The following RTTN variants were observed in gnomAD, a reference collection of about 807,000 sequenced individuals.
RTTN encodes the protein rotatin.
RTTN carries 182 observed loss-of-function variants against 269.2 expected under a neutral mutation model. The observed-to-expected ratio is 0.68, with a 90% CI of 0.60 to 0.76. The LOEUF (loss-of-function observed/expected upper bound fraction) is 0.76, where lower values mean the gene tolerates loss of function less well. Among genes scored for constraint, RTTN ranks in the 30% least tolerant of loss-of-function variants. The pLI, the probability that RTTN is intolerant of heterozygous loss-of-function variation, is 0.00. For synonymous variants in RTTN, 1,006 were observed against 963.5 expected, an observed-to-expected ratio of 1.04 and a Z score of -0.82; for missense variants, 2,545 against 2,608.6, an observed-to-expected ratio of 0.98 and a Z score of 0.53.
At chr18:70,127,830 C>A (rs189967969) in intron 24 of RTTN, 89 bp from the exon 25 acceptor site, 26 of 1,185,496 alleles carry the variant, frequency 2.2e-5, no homozygotes, top group Non-Finnish European at 3.0e-5. Context: ...CTCCCAAAAG[C>A]TGTTTTATCT....
chr18:70,106,255 A>C (rs527714863), intron 28 of RTTN, among the ~76,000 whole-genome samples: 1 of 152,296 alleles, frequency 6.6e-6, no homozygotes, highest in African/African-American at 2.4e-5. Flanking sequence ...TGAGGTGGGA[A>C]GATCACTTGG....
intron 10 of RTTN, 35 bp from the exon 11 acceptor site, chr18:70,176,880 A>G (rs761519625): frequency 2.5e-5 from 39 of 1,575,272 alleles, no homozygotes; most frequent in Non-Finnish European, 3.3e-5. Flanking sequence ...ACAGAAGAAA[A>G]CAACCAATTT....
rs1568428814 is a variant in RTTN at position 70,128,514 on chromosome 18, T to C, written c.2987A>G (p.His996Arg). 6.2e-7 allele frequency: 1 copy of C among 1,612,916 alleles called. No homozygotes were observed. Among genetic ancestry groups the C allele is most frequent in the Non-Finnish European group, 8.5e-7 (1 of 1,179,302 alleles). The change falls in exon 24 of 49, where the codon CAT becomes CGT. Residue 996 changes from histidine (H) to arginine (R), a missense_variant. By Grantham distance (29) the His-to-Arg change is conservative. Transcript: ENST00000640769. ...AACTATGGAGTAAGGACTCACAGCA[T>C]GGTGTCCAATTACATGAACAGGTAG... ...YHLPVHVIGH[H>R]AVSPYSIVLP...
At chr18:70,140,738 C>T (rs1253153759) in intron 19 of RTTN, among the ~76,000 whole-genome samples, 1 of 152,010 alleles carries the variant, frequency 6.6e-6, no homozygotes, top group African/African-American at 2.4e-5. Context: ...CATATATTCA[C>T]ATATTATGTT....
At chr18:70,140,711 A>C (rs2060234589) in intron 19 of RTTN, among the ~76,000 whole-genome samples, 1 of 152,154 alleles carries the variant, frequency 6.6e-6, no homozygotes. Flanking sequence ...GGAGAACTTG[A>C]GCTTCTTTTT....
chr18:70,068,639 C>T (rs1037407429), intron 34 of RTTN, among the ~76,000 whole-genome samples: 7 of 152,154 alleles, frequency 4.6e-5, no homozygotes, highest in African/African-American at 1.2e-4. Flanking sequence ...TGAAGTCATC[C>T]GTTCCTGTCA....
Position 70,150,600 on chromosome 18 carries a change from T to C in RTTN, c.2055+8A>G, listed in dbSNP as rs369247502. 1.7e-5 allele frequency: 27 copies of C among 1,611,326 alleles called. No homozygotes were observed. The highest frequency in any genetic ancestry group is 1.7e-4 in the Admixed American group (10 of 59,900). On this transcript the variant is annotated splice_region_variant and intron_variant, in intron 15 of 48. Coordinates refer to ENST00000640769, the MANE Select transcript of RTTN (RefSeq NM_173630.4). ...CTGTAATATTTTCACTCATGTTTAA[T>C]GTCATACCTCACTTTCGGGCTCTTG... is the stretch of plus-strand genomic sequence containing the variant.
chr18:70,171,394 A>T (rs1433314785), intron 11 of RTTN, among the ~76,000 whole-genome samples: 1 of 152,228 alleles, frequency 6.6e-6, no homozygotes, highest in Non-Finnish European at 1.5e-5. Flanking sequence ...GAATTAAACA[A>T]GCATTAAGCA....
chr18:70,134,381 T>C, intron 23 of RTTN, 92 bp downstream of exon 23: 1 of 990,218 alleles, frequency 1.0e-6, no homozygotes, highest in East Asian at 2.6e-5. Context: ...ATTTAAATGC[T>C]AAATGAAAAT....
intron 46 of RTTN, among the ~76,000 whole-genome samples, chr18:70,010,069 G>A (rs2056322904): frequency 6.6e-6 from 1 of 152,174 alleles, no homozygotes. Flanking sequence ...CAATACAGGA[G>A]CACCCAGATT....
In RTTN at chr18:70,135,290, A is replaced by G. The variant is rs1448939728; in HGVS notation, c.2789-10T>C. On this transcript the variant is annotated splice_polypyrimidine_tract_variant and intron_variant, in intron 21 of 48. Transcript: ENST00000640769. Reference sequence around the variant, plus strand: ...TGAAATATTAAGGAAACTGAATAAAAAGAAGCACAACTTTATGAAATATTT... The same window carrying G: ...TGAAATATTAAGGAAACTGAATAAAGAGAAGCACAACTTTATGAAATATTT... The G allele has an allele frequency of 2.8e-6, 4 of 1,415,946 alleles. No individual in the cohort carries two copies. Among genetic ancestry groups the G allele is most frequent in the Admixed American group, 4.6e-5 (2 of 43,690 alleles). 87.7% of individuals were successfully genotyped at this position (1,415,946 alleles called of 1,614,324 possible).
At chr18:70,116,942 GTATTCAA>G in intron 26 of RTTN, among the ~76,000 whole-genome samples, 1 of 152,074 alleles carries the variant, frequency 6.6e-6, no homozygotes, top group East Asian at 1.9e-4. Context: ...AAAAAGAAAG[GTATTCAA>G]ATTCAGCACT....
At chr18:70,156,871 G>A (rs1054853914) in intron 14 of RTTN, among the ~76,000 whole-genome samples, 1 of 152,132 alleles carries the variant, frequency 6.6e-6, no homozygotes, top group South Asian at 2.1e-4. Flanking sequence ...GAAAGAGCAG[G>A]GCTATCTTTC....
At chr18:70,149,126 C>A in intron 16 of RTTN, 89 bp from the exon 17 acceptor site, 1 of 1,120,468 alleles carries the variant, frequency 8.9e-7, no homozygotes. Flanking sequence ...GTCCTATCAG[C>A]AACTCATAAA....
At chr18:70,015,775 C>G (rs1187279865) in intron 46 of RTTN, among the ~76,000 whole-genome samples, 1 of 152,130 alleles carries the variant, frequency 6.6e-6, no homozygotes, top group Non-Finnish European at 1.5e-5. Context: ...CTTCACTTCT[C>G]AAAAAGCTTG....
chr18:70,076,718 G>T (rs190992187), intron 32 of RTTN, among the ~76,000 whole-genome samples: 1 of 152,010 alleles, frequency 6.6e-6, no homozygotes, highest in Admixed American at 6.6e-5. Flanking sequence ...GTAATGAACA[G>T]CCAGCACATG....
In RTTN at chr18:70,015,007, G is replaced by A. The variant is rs377032719; in HGVS notation, c.6421+2400C>T. 3.3e-5 allele frequency among the ~76,000 whole-genome samples: 5 copies of A among 152,012 alleles called. No homozygotes were observed. In the South Asian group the frequency reaches 6.2e-4, roughly 19 times the overall value. On this transcript the variant is annotated intron_variant, in intron 46 of 48. Coordinates refer to ENST00000640769, the MANE Select transcript of RTTN (RefSeq NM_173630.4). Reference sequence around the variant, plus strand: ...TTATTTTGAGGTGCATTTTAATACAGCCTGTCTAGCATGTTATTGTCGTTT... The same window carrying A: ...TTATTTTGAGGTGCATTTTAATACAACCTGTCTAGCATGTTATTGTCGTTT...
intron 14 of RTTN, among the ~76,000 whole-genome samples, chr18:70,163,317 G>A (rs1441389718): frequency 1.3e-5 from 2 of 151,876 alleles, no homozygotes; most frequent in African/African-American, 4.8e-5. Context: ...GGGAGGCAGA[G>A]GTTGCTGTGA....
intron 39 of RTTN, among the ~76,000 whole-genome samples, chr18:70,050,605 T>C (rs1355268708): frequency 6.6e-6 from 1 of 152,212 alleles, no homozygotes; most frequent in Non-Finnish European, 1.5e-5. Flanking sequence ...ATCATCCTAC[T>C]GTAAAGACAA....
Sources: allele counts gnomAD v4.1 joint callset (sites outside exome capture counted in the v4.1 genomes callset), GRCh38; gene constraint gnomAD v4.1.1; transcripts MANE v1.5; gene names NCBI Gene and HGNC (gene_info 2026-07-23, HGNC 2026-07-21).